The following SLC24A3 variants were observed in gnomAD, a reference collection of about 807,000 sequenced individuals.
SLC24A3 encodes solute carrier family 24 member 3.
SLC24A3 carries 28 observed loss-of-function variants against 75.8 expected under a neutral mutation model. That is an observed-to-expected ratio of 0.37 (90% CI 0.27 to 0.51). The LOEUF is 0.51. Among genes scored for constraint, SLC24A3 ranks in the 20% least tolerant of loss-of-function variants. The pLI, the probability that SLC24A3 is intolerant of heterozygous loss-of-function variation, is 0.94. For synonymous variants in SLC24A3, 372 were observed against 334.1 expected (o/e 1.11, Z -1.24); for missense variants, 663 against 847.8 (o/e 0.78, Z 2.71).
At chr20:19,290,745 C>G (rs1382257155) in intron 2 of SLC24A3, among the ~76,000 whole-genome samples, 1 of 152,164 alleles carries the variant, frequency 6.6e-6, no homozygotes, top group African/African-American at 2.4e-5. Context: ...CAAGCTGGCT[C>G]AGGGTAGAAT....
At chr20:19,327,733 G>A (rs1435609004) in intron 2 of SLC24A3, among the ~76,000 whole-genome samples, 2 of 152,162 alleles carry the variant, frequency 1.3e-5, no homozygotes, top group Non-Finnish European at 2.9e-5. Context: ...ATGGTCTGAT[G>A]CATGGGTGCA....
intron 2 of SLC24A3, among the ~76,000 whole-genome samples, chr20:19,317,473 G>A (rs968895139): frequency 6.6e-6 from 1 of 152,146 alleles, no homozygotes; most frequent in African/African-American, 2.4e-5. Flanking sequence ...TGCATTCACA[G>A]AAAAGAGGCA....
intron 2 of SLC24A3, among the ~76,000 whole-genome samples, chr20:19,412,779 C>T (rs1986769211): frequency 6.6e-6 from 1 of 152,132 alleles, no homozygotes; most frequent in Non-Finnish European, 1.5e-5. Flanking sequence ...TTTCTCATGG[C>T]CTGAATCACT....
intron 3 of SLC24A3, among the ~76,000 whole-genome samples, chr20:19,516,381 C>G (rs191276977): frequency 6.6e-6 from 1 of 152,246 alleles, no homozygotes; most frequent in African/African-American, 2.4e-5. Flanking sequence ...ATTCCCTCCC[C>G]CTTAATTCCA....
At chr20:19,707,367 A>C (rs2032942113) in intron 15 of SLC24A3, among the ~76,000 whole-genome samples, 1 of 152,250 alleles carries the variant, frequency 6.6e-6, no homozygotes, top group Non-Finnish European at 1.5e-5. Flanking sequence ...AAGAGACTAC[A>C]GAAAAAAATA....
At chr20:19,297,964 T>C (rs960479942) in intron 2 of SLC24A3, among the ~76,000 whole-genome samples, 1 of 152,196 alleles carries the variant, frequency 6.6e-6, no homozygotes, top group Non-Finnish European at 1.5e-5. Flanking sequence ...TTGGGTCTTA[T>C]AACCATTCAC....
At chr20:19,379,564 G>C (rs960867282) in intron 2 of SLC24A3, among the ~76,000 whole-genome samples, 1 of 152,082 alleles carries the variant, frequency 6.6e-6, no homozygotes, top group Non-Finnish European at 1.5e-5. Context: ...ACTGTCCATG[G>C]GCCATGGTGA....
intron 2 of SLC24A3, among the ~76,000 whole-genome samples, chr20:19,294,155 T>A (rs946310727): frequency 1.3e-5 from 2 of 151,400 alleles, no homozygotes; most frequent in African/African-American, 4.9e-5. Context: ...TTGTGGAATT[T>A]TTTTTCCAAT....
chr20:19,551,798 C>A (rs1175583065), intron 3 of SLC24A3, among the ~76,000 whole-genome samples: 1 of 152,202 alleles, frequency 6.6e-6, no homozygotes. Flanking sequence ...CTACAAGAAT[C>A]TGCTTCATTA....
At chr20:19,230,398 C>T (rs78905345) in intron 1 of SLC24A3, among the ~76,000 whole-genome samples, 39 of 152,206 alleles carry the variant, frequency 2.6e-4, no homozygotes, top group Non-Finnish European at 4.7e-4. Context: ...GAACCTTATT[C>T]ATTATAATTT....
intron 3 of SLC24A3, among the ~76,000 whole-genome samples, chr20:19,564,213 G>A (rs2030921015): frequency 6.6e-6 from 1 of 152,202 alleles, no homozygotes. Flanking sequence ...TGAAAAGTGG[G>A]AGAGGGTAAA....
At chr20:19,409,606 G>C (rs975414037) in intron 2 of SLC24A3, among the ~76,000 whole-genome samples, 1 of 152,010 alleles carries the variant, frequency 6.6e-6, no homozygotes, top group African/African-American at 2.4e-5. Flanking sequence ...TAACAAGCAA[G>C]GAAAAATAAC....
At chr20:19,624,108 T>TA (rs1237449032) in intron 6 of SLC24A3, among the ~76,000 whole-genome samples, 1 of 152,242 alleles carries the variant, frequency 6.6e-6, no homozygotes, top group Non-Finnish European at 1.5e-5. Flanking sequence ...TTCAAGAACT[T>TA]ACTTGCTTTG....
intron 6 of SLC24A3, among the ~76,000 whole-genome samples, chr20:19,611,120 G>C (rs542570634): frequency 8.7e-4 from 132 of 152,256 alleles, no homozygotes; most frequent in African/African-American, 3.0e-3. Flanking sequence ...AGAAGGCCAG[G>C]ACAGACCTAG....
At chr20:19,455,834 G>T (rs941158702) in intron 2 of SLC24A3, among the ~76,000 whole-genome samples, 1 of 152,212 alleles carries the variant, frequency 6.6e-6, no homozygotes, top group South Asian at 2.1e-4. Context: ...GAAGATGGAG[G>T]CTAAATAATT....
chr20:19,506,461 T>A lies in SLC24A3; in HGVS notation c.272-9027T>A, dbSNP rs148374213. Among the ~76,000 whole-genome samples the A allele has an allele frequency of 7.9e-5, 12 of 152,272 alleles. No individual in the cohort carries two copies. The East Asian group carries it at 1.9e-3, about 24-fold the overall frequency. ...AAAAAACAAGAAAAAAGGGGGTAAT[T>A]TGTTCTTTCTAGGACAGTGGAATCA... On this transcript the variant is annotated intron_variant, in intron 2 of 16. Transcript: ENST00000328041.
chr20:19,607,013 A>G (rs2031605966), intron 6 of SLC24A3, among the ~76,000 whole-genome samples: 1 of 152,176 alleles, frequency 6.6e-6, no homozygotes, highest in Non-Finnish European at 1.5e-5. Context: ...GGCATAGAAG[A>G]GGGTTGGACG....
At chr20:19,250,397 A>G (rs1027543126) in intron 1 of SLC24A3, among the ~76,000 whole-genome samples, 3 of 152,220 alleles carry the variant, frequency 2.0e-5, no homozygotes, top group Admixed American at 6.5e-5. Flanking sequence ...AAACAGAACA[A>G]TCAGCTAATG....
chr20:19,220,533 A>G (rs1981678135), intron 1 of SLC24A3, among the ~76,000 whole-genome samples: 1 of 152,222 alleles, frequency 6.6e-6, no homozygotes, highest in African/African-American at 2.4e-5. Flanking sequence ...CGATAATGCC[A>G]TGTTTAAGAC....
Sources: gnomAD v4.1 joint callset for allele counts (sites outside exome capture counted in the v4.1 genomes callset) on GRCh38, gnomAD v4.1.1 for gene constraint, MANE v1.5 for transcripts, NCBI Gene and HGNC (gene_info 2026-07-23, HGNC 2026-07-21) for gene names.